The following ARHGAP15 variants were observed in gnomAD, a reference collection of about 807,000 sequenced individuals.
ARHGAP15 encodes the protein rho GTPase-activating protein 15.
ARHGAP15 carries 51 observed loss-of-function variants against 63.7 expected under a neutral mutation model. The ratio of observed to expected loss-of-function variants is 0.80; its 90% confidence interval spans 0.64 to 1.01. The LOEUF (loss-of-function observed/expected upper bound fraction) is 1.01. ARHGAP15 is among the 50% of genes least tolerant of loss of function. The pLI is 0.00. For synonymous variants in ARHGAP15, 191 were observed against 193.8 expected (o/e 0.99, Z 0.12); for missense variants, 560 against 564.6 (o/e 0.99, Z 0.08).
intron 10 of ARHGAP15, among the ~76,000 whole-genome samples, chr2:143,552,440 AT>A (rs1695605620): frequency 6.6e-6 from 1 of 152,022 alleles, no homozygotes; most frequent in African/African-American, 2.4e-5. Context: ...AGTGTCTAAG[AT>A]TTATGGTGGG....
intron 6 of ARHGAP15, among the ~76,000 whole-genome samples, chr2:143,319,937 T>A (rs1203886404): frequency 6.6e-6 from 1 of 152,244 alleles, no homozygotes; most frequent in Non-Finnish European, 1.5e-5. Flanking sequence ...CTTCAACTGT[T>A]ACATTTAATA....
chr2:143,298,965 A>G (rs990784879), intron 6 of ARHGAP15, among the ~76,000 whole-genome samples: 3 of 151,912 alleles, frequency 2.0e-5, no homozygotes, highest in African/African-American at 7.2e-5. Flanking sequence ...ATGTGTAGCA[A>G]AAAGCTTTTT....
intron 12 of ARHGAP15, among the ~76,000 whole-genome samples, chr2:143,650,328 C>T (rs1034185378): frequency 4.6e-5 from 7 of 151,894 alleles, no homozygotes; most frequent in Non-Finnish European, 1.0e-4. Flanking sequence ...GATTTAAATT[C>T]TCCTGCTTCA....
chr2:143,711,974 G>A (rs1211634688), intron 13 of ARHGAP15, among the ~76,000 whole-genome samples: 1 of 152,128 alleles, frequency 6.6e-6, no homozygotes, highest in East Asian at 1.9e-4. Context: ...GAAAATCACT[G>A]AAGGATCTCA....
At chr2:143,741,580 T>C (rs78842721) in intron 13 of ARHGAP15, among the ~76,000 whole-genome samples, 8,444 of 152,294 alleles carry the variant, frequency 0.055, 402 homozygotes, top group East Asian at 0.27. Context: ...AGAGTTTAGT[T>C]TGAAAGTCAA....
intron 13 of ARHGAP15, among the ~76,000 whole-genome samples, chr2:143,749,195 T>A (rs759670387): frequency 6.6e-6 from 1 of 152,188 alleles, no homozygotes; most frequent in African/African-American, 2.4e-5. Context: ...CCAGTCTGCA[T>A]TCTGCCTGCA....
chr2:143,724,898 C>T (rs1685213674), intron 13 of ARHGAP15, among the ~76,000 whole-genome samples: 1 of 152,192 alleles, frequency 6.6e-6, no homozygotes, highest in Non-Finnish European at 1.5e-5. Context: ...GATCAAAAAA[C>T]ATTTCAATTC....
intron 6 of ARHGAP15, among the ~76,000 whole-genome samples, chr2:143,308,477 A>AAC (rs4008341): frequency 0.017 from 2,473 of 149,254 alleles, 27 homozygotes; most frequent in African/African-American, 0.036. Flanking sequence ...GTTGATAAGA[A>AAC]ACACACACAC....
intron 10 of ARHGAP15, among the ~76,000 whole-genome samples, chr2:143,534,764 C>G (rs1160303547): frequency 6.6e-6 from 1 of 151,744 alleles, no homozygotes; most frequent in Non-Finnish European, 1.5e-5. Flanking sequence ...TGCCTGCAGT[C>G]GCCAGCTACT....
chr2:143,519,373 C>A lies in ARHGAP15; in HGVS notation c.925+9C>A. 1 of 1,607,638 alleles carries A rather than the reference C, an allele frequency of 6.2e-7. No homozygotes were observed. ...AGCTGTTGAGAAAAGAGGTGGGTGA[C>A]TGAATGTGCAGCAGTTCCCCCCATT... On this transcript the variant is annotated intron_variant, in intron 10 of 13. Coordinates refer to ENST00000295095, the MANE Select transcript of ARHGAP15 (RefSeq NM_018460.4).
intron 10 of ARHGAP15, among the ~76,000 whole-genome samples, chr2:143,548,754 T>G (rs1695434669): frequency 6.6e-6 from 1 of 151,940 alleles, no homozygotes; most frequent in South Asian, 2.1e-4. Context: ...AAGGAAAAAT[T>G]GAAGGTATTT....
chr2:143,687,000 A>G (rs1383012531), intron 12 of ARHGAP15, among the ~76,000 whole-genome samples: 2 of 152,256 alleles, frequency 1.3e-5, no homozygotes, highest in Non-Finnish European at 1.5e-5. Context: ...AGGTACACTG[A>G]AGAATTGAGT....
chr2:143,330,139 C>CA (rs1553465099), intron 6 of ARHGAP15, among the ~76,000 whole-genome samples: 13 of 55,526 alleles, frequency 2.3e-4, no homozygotes, highest in African/African-American at 8.6e-4. Context: ...AAACCAAAAA[C>CA]AAAAAACTAA....
intron 9 of ARHGAP15, among the ~76,000 whole-genome samples, chr2:143,487,783 G>C (rs1692393592): frequency 6.6e-6 from 1 of 152,166 alleles, no homozygotes; most frequent in Non-Finnish European, 1.5e-5. Flanking sequence ...CTGCTAGAAT[G>C]ATACCATGTC....
chr2:143,156,711 A>C (rs1466994101), intron 2 of ARHGAP15, among the ~76,000 whole-genome samples: 2 of 151,970 alleles, frequency 1.3e-5, no homozygotes, highest in African/African-American at 2.4e-5. Context: ...TTGTAGACAA[A>C]TTTAGCATGA....
At chr2:143,671,247 A>G (rs948315573) in intron 12 of ARHGAP15, among the ~76,000 whole-genome samples, 2 of 151,976 alleles carry the variant, frequency 1.3e-5, no homozygotes, top group African/African-American at 4.8e-5. Flanking sequence ...GGCTTTTTTA[A>G]TTAGTTTTTT....
chr2:143,266,164 CA>C (rs916741504), intron 6 of ARHGAP15, among the ~76,000 whole-genome samples: 3 of 152,044 alleles, frequency 2.0e-5, no homozygotes, highest in African/African-American at 4.8e-5. Context: ...AACTGAATAA[CA>C]GTCAACTATT....
chr2:143,184,748 T>G (rs1004116923), intron 2 of ARHGAP15, among the ~76,000 whole-genome samples: 36 of 152,196 alleles, frequency 2.4e-4, no homozygotes, highest in African/African-American at 7.9e-4. Flanking sequence ...GTGGCGTGTT[T>G]ATAGCTCACC....
chr2:143,312,311 A>G (rs1056893451), intron 6 of ARHGAP15, among the ~76,000 whole-genome samples: 19 of 152,166 alleles, frequency 1.2e-4, no homozygotes. Flanking sequence ...TCTCTGATCC[A>G]TCTGAGAAGT....
Sources: allele counts gnomAD v4.1 joint callset (sites outside exome capture counted in the v4.1 genomes callset), GRCh38; gene constraint gnomAD v4.1.1; transcripts MANE v1.5; gene names NCBI Gene and HGNC (gene_info 2026-07-23, HGNC 2026-07-21).